Variants in NAV1 observed in about 807,000 individuals in gnomAD.
NAV1 encodes the protein neuron navigator 1.
A neutral mutation model predicts 175.2 loss-of-function variants in NAV1; 18 were observed. The observed-to-expected ratio is 0.10, with a 90% CI of 0.07 to 0.15. The LOEUF (loss-of-function observed/expected upper bound fraction) is 0.15. Ranked by LOEUF, NAV1 falls within the 10% of genes least tolerant of loss-of-function variation. NAV1 has a pLI of 1.00. For missense variants in NAV1, 1,731 were observed against 2,436.6 expected, an observed-to-expected ratio of 0.71 and a Z score of 6.10; for synonymous variants, 897 against 978.7, an observed-to-expected ratio of 0.92 and a Z score of 1.56.
intron 1 of NAV1, among the ~76,000 whole-genome samples, chr1:201,681,941 C>G (rs565719480): frequency 6.6e-6 from 1 of 151,994 alleles, no homozygotes; most frequent in Non-Finnish European, 1.5e-5. Flanking sequence ...GTGGTGAAAC[C>G]CCCATCTCTA....
intron 1 of NAV1, among the ~76,000 whole-genome samples, chr1:201,711,194 C>T (rs1671892044): frequency 6.6e-6 from 1 of 152,196 alleles, no homozygotes; most frequent in Non-Finnish European, 1.5e-5. Context: ...GGTGGCCTGC[C>T]ATTTGTCCCT....
intron 10 of NAV1, among the ~76,000 whole-genome samples, chr1:201,789,520 C>T (rs1006981807): frequency 6.6e-6 from 1 of 152,148 alleles, no homozygotes; most frequent in Admixed American, 6.5e-5. Context: ...GACTGCCATA[C>T]CCAGGCTGCC....
At chr1:201,696,294 C>T (rs371599957) in intron 1 of NAV1, among the ~76,000 whole-genome samples, 41 of 152,222 alleles carry the variant, frequency 2.7e-4, no homozygotes, top group African/African-American at 8.7e-4. Flanking sequence ...TGGAATCGGG[C>T]GGAAGAGGAG....
At chr1:201,668,377 C>T (rs905786337) in intron 1 of NAV1, among the ~76,000 whole-genome samples, 7 of 152,108 alleles carry the variant, frequency 4.6e-5, no homozygotes, top group East Asian at 1.9e-4. Flanking sequence ...ATGTGATGTT[C>T]GTTAATGGGC....
intron 3 of NAV1, among the ~76,000 whole-genome samples, chr1:201,776,672 A>T: frequency 6.6e-6 from 1 of 150,634 alleles, no homozygotes. Context: ...GTTTTTTTTT[A>T]AAGGTACTAG....
At chr1:201,557,205 T>C (rs1193296343) in intron 1 of NAV1, among the ~76,000 whole-genome samples, 1 of 152,208 alleles carries the variant, frequency 6.6e-6, no homozygotes, top group Non-Finnish European at 1.5e-5. Context: ...GGATTGCAAT[T>C]AGTACCTGAG....
chr1:201,814,168 C>T lies in NAV1; in HGVS notation c.5340+910C>T, dbSNP rs542632069. 1.9e-4 allele frequency among the ~76,000 whole-genome samples: 29 copies of T among 152,022 alleles called. 1 individual carries two copies. The highest frequency in any genetic ancestry group is 5.5e-4 in the African/African-American group (23 of 41,484). ...GGCTGAGGCGAGAGGACTACTTGAG[C>T]CCAGGAGCTTGGGCAACATGGGAGA... On this transcript the variant is annotated intron_variant, in intron 28 of 29. Coordinates refer to ENST00000367296, the Ensembl canonical transcript of NAV1.
intron 1 of NAV1, among the ~76,000 whole-genome samples, chr1:201,702,756 T>C (rs540984026): frequency 9.3e-5 from 14 of 150,426 alleles, no homozygotes; most frequent in African/African-American, 3.2e-4. Context: ...GTGGCGACAA[T>C]ATTGGACTAT....
chr1:201,756,680 C>G (rs1039025460), intron 3 of NAV1, among the ~76,000 whole-genome samples: 21 of 152,092 alleles, frequency 1.4e-4, no homozygotes, highest in Non-Finnish European at 7.4e-5. Context: ...GCATTTTCAC[C>G]CTGAAGAAAA....
At chr1:201,809,771 C>T (rs1246072364) in intron 22 of NAV1, among the ~76,000 whole-genome samples, 175 bp from the exon 27 acceptor site, 1 of 152,126 alleles carries the variant, frequency 6.6e-6, no homozygotes, top group African/African-American at 2.4e-5. Context: ...TTAAACCGTC[C>T]AGGCACTGGG....
chr1:201,821,501 A>AACAG (rs1558203985), exon 30 of NAV1: 6 of 121,280 alleles, frequency 4.9e-5, no homozygotes, highest in African/African-American at 1.6e-4. Context: ...ATTAGGTTAA[A>AACAG]ACAGACACAC....
chr1:201,749,619 T>G (rs1454198843), intron 3 of NAV1, among the ~76,000 whole-genome samples: 2 of 152,220 alleles, frequency 1.3e-5, no homozygotes, highest in East Asian at 3.8e-4. Flanking sequence ...ATATAATTAT[T>G]ACATAAATTG....
At position 201,662,834 on chromosome 1, in the gene NAV1, T is replaced by G. The variant is rs527555275; in HGVS notation, c.757+13409T>G. ...ACAGAATGGCTCCAGCCACTGACTT[T>G]GTTTCAATTCAGCCCTGATACTTTA... is the stretch of plus-strand genomic sequence containing the variant. On this transcript the variant is annotated intron_variant, in intron 1 of 29. Transcript: ENST00000367296. Among the ~76,000 whole-genome samples the G allele has an allele frequency of 1.3e-4, 18 of 140,408 alleles. No individual in the cohort carries two copies. In the South Asian group the frequency reaches 4.0e-3, roughly 31 times the overall value. The allele number at this position is 140,408 out of a possible 152,430, so 92.1% of individuals were successfully genotyped here. A position where few individuals can be genotyped will look rare whatever the true frequency, so the allele number is the denominator to read the frequency against.
intron 24 of NAV1, 138 bp from the exon 29 acceptor site, chr1:201,811,465 C>T (rs962130705): frequency 1.0e-6 from 1 of 990,846 alleles, no homozygotes; most frequent in African/African-American, 1.6e-5. Context: ...CTGTGGTAAT[C>T]TGCTGTAATC....
At chr1:201,679,249 G>A (rs1382514685) in intron 1 of NAV1, among the ~76,000 whole-genome samples, 1 of 152,146 alleles carries the variant, frequency 6.6e-6, no homozygotes, top group Non-Finnish European at 1.5e-5. Context: ...GGGCTTGGAG[G>A]TGCTTGGAGA....
At chr1:201,544,288 G>A (rs367843619) in intron 1 of NAV1, among the ~76,000 whole-genome samples, 7 of 152,278 alleles carry the variant, frequency 4.6e-5, no homozygotes, top group African/African-American at 1.4e-4. Context: ...TGATTTACTC[G>A]CTGGAACCCT....
chr1:201,785,941 C>T (rs1459287517), intron 8 of NAV1, among the ~76,000 whole-genome samples: 1 of 151,952 alleles, frequency 6.6e-6, no homozygotes, highest in African/African-American at 2.4e-5. Context: ...TATAGGTGTG[C>T]ACCACCAAGC....
At chr1:201,617,525 A>G (rs561535986) in intron 2 of NAV1, among the ~76,000 whole-genome samples, 5 of 152,310 alleles carry the variant, frequency 3.3e-5, no homozygotes, top group African/African-American at 9.6e-5. Context: ...CAGGAGTTTG[A>G]GACCAGCCAG....
intron 1 of NAV1, among the ~76,000 whole-genome samples, chr1:201,584,677 C>A (rs1205049722): frequency 6.6e-6 from 1 of 152,194 alleles, no homozygotes; most frequent in South Asian, 2.1e-4. Flanking sequence ...TCTAGAATCT[C>A]CTCTGAATCC....
Sources: gnomAD v4.1 joint callset for allele counts (sites outside exome capture counted in the v4.1 genomes callset) on GRCh38, gnomAD v4.1.1 for gene constraint, MANE v1.5 for transcripts, NCBI Gene and HGNC (gene_info 2026-07-23, HGNC 2026-07-21) for gene names.